ADGB: variants seen among roughly 807,000 people sequenced by gnomAD.
The protein encoded by ADGB is calpain-7-like protein.
In ADGB, 172 loss-of-function variants were observed where a neutral mutation model predicts 210.5. The observed-to-expected ratio is 0.82, with a 90% confidence interval of 0.72 to 0.93. The LOEUF is 0.93. Among genes scored for constraint, ADGB ranks in the 40% least tolerant of loss-of-function variants. The pLI, the probability that ADGB is intolerant of heterozygous loss-of-function variation, is 0.00. For synonymous variants in ADGB, 658 were observed against 662.7 expected (o/e 0.99, Z 0.11); for missense variants, 2,025 against 1,964.8 (o/e 1.03, Z -0.58).
chr6:146,616,273 T>C (rs1385894540), intron 1 of ADGB, among the ~76,000 whole-genome samples: 1 of 151,604 alleles, frequency 6.6e-6, no homozygotes, highest in Non-Finnish European at 1.5e-5. Context: ...TTTGGGTTTT[T>C]TTTTTTTTGC....
intron 29 of ADGB, among the ~76,000 whole-genome samples, chr6:146,775,458 G>C (rs1777708763): frequency 6.6e-6 from 1 of 152,056 alleles, no homozygotes; most frequent in Non-Finnish European, 1.5e-5. Flanking sequence ...GATGGTTCAT[G>C]GTCACTTAAG....
intron 25 of ADGB, among the ~76,000 whole-genome samples, chr6:146,744,041 C>T (rs529580052): frequency 6.6e-6 from 1 of 152,284 alleles, no homozygotes; most frequent in African/African-American, 2.4e-5. Context: ...GATCTTTGAA[C>T]ATTTATCCAA....
At chr6:146,766,641 A>T (rs1262513398) in intron 28 of ADGB, among the ~76,000 whole-genome samples, 1 of 152,056 alleles carries the variant, frequency 6.6e-6, no homozygotes, top group Non-Finnish European at 1.5e-5. Flanking sequence ...CTTTCCAAAA[A>T]ACCATAGGCC....
chr6:146,747,935 A>G (rs12662224), intron 26 of ADGB, among the ~76,000 whole-genome samples: 1 of 151,518 alleles, frequency 6.6e-6, no homozygotes, highest in African/African-American at 2.4e-5. Context: ...GGTGCATGCC[A>G]CCAAGCCTAG....
At chr6:146,747,029 C>A (rs1357792009) in intron 26 of ADGB, among the ~76,000 whole-genome samples, 1 of 152,046 alleles carries the variant, frequency 6.6e-6, no homozygotes, top group African/African-American at 2.4e-5. Flanking sequence ...TCCTATAGTC[C>A]TTTGTTCTCT....
intron 13 of ADGB, among the ~76,000 whole-genome samples, chr6:146,711,231 CT>C (rs1365167809): frequency 6.6e-6 from 1 of 152,208 alleles, no homozygotes; most frequent in Non-Finnish European, 1.5e-5. Flanking sequence ...AATTACTGCA[CT>C]TTTTCCTTTG....
chr6:146,622,552 C>T (rs1780910256), intron 1 of ADGB, among the ~76,000 whole-genome samples: 1 of 152,102 alleles, frequency 6.6e-6, no homozygotes, highest in Admixed American at 6.6e-5. Flanking sequence ...TGCCACACAA[C>T]TCACATGTAC....
intron 13 of ADGB, among the ~76,000 whole-genome samples, chr6:146,713,633 T>G (rs925889492): frequency 1.3e-5 from 2 of 152,336 alleles, no homozygotes; most frequent in African/African-American, 2.4e-5. Context: ...TCTATATATA[T>G]TCTTGTATTT....
At chr6:146,802,750 A>T in intron 35 of ADGB, 5 of 1,558,530 alleles carry the variant, frequency 3.2e-6, no homozygotes, top group Non-Finnish European at 4.4e-6. Context: ...TACACAGTTC[A>T]GGGATGTTTT....
intron 1 of ADGB, among the ~76,000 whole-genome samples, chr6:146,626,254 A>G (rs1030727820): frequency 6.6e-6 from 1 of 151,972 alleles, no homozygotes; most frequent in African/African-American, 2.4e-5. Context: ...TATATTATAA[A>G]CCTCGTATTA....
intron 27 of ADGB, among the ~76,000 whole-genome samples, chr6:146,754,448 A>G (rs1368753428): frequency 6.6e-6 from 1 of 151,676 alleles, no homozygotes; most frequent in East Asian, 1.9e-4. Context: ...TTTTTCTTCT[A>G]GCTTTGCCAG....
At chr6:146,722,659 C>A (rs1214670429) in intron 17 of ADGB, among the ~76,000 whole-genome samples, 1 of 152,172 alleles carries the variant, frequency 6.6e-6, no homozygotes, top group African/African-American at 2.4e-5. Flanking sequence ...CAAACATTCT[C>A]TCTCTCTTCA....
intron 8 of ADGB, among the ~76,000 whole-genome samples, chr6:146,675,707 A>G (rs2114906591): frequency 6.6e-6 from 1 of 152,276 alleles, no homozygotes; most frequent in South Asian, 2.1e-4. Context: ...TGAGAAAAGT[A>G]TTTTAGGTTG....
intron 1 of ADGB, among the ~76,000 whole-genome samples, chr6:146,606,608 CT>C (rs1297548692): frequency 8.5e-5 from 13 of 152,174 alleles, no homozygotes; most frequent in Admixed American, 5.9e-4. Flanking sequence ...CAGTTTCAAT[CT>C]CCTATAGATG....
chr6:146,792,981 G>A (rs1162652876), intron 33 of ADGB, among the ~76,000 whole-genome samples: 1 of 152,104 alleles, frequency 6.6e-6, no homozygotes, highest in Non-Finnish European at 1.5e-5. Flanking sequence ...AGGAGTGAGT[G>A]GTAGCAAGGT....
chr6:146,779,759 A>G (rs559802077), intron 29 of ADGB, among the ~76,000 whole-genome samples: 1 of 152,188 alleles, frequency 6.6e-6, no homozygotes, highest in East Asian at 1.9e-4. Flanking sequence ...CAGAAAAAAA[A>G]ACAACTGAAA....
chr6:146,804,643 C>T (rs1485952526), intron 35 of ADGB, among the ~76,000 whole-genome samples: 1 of 152,172 alleles, frequency 6.6e-6, no homozygotes, highest in African/African-American at 2.4e-5. Flanking sequence ...ATATATATCA[C>T]CACCCTAGCC....
chr6:146,742,988 C>A (rs776945225), intron 25 of ADGB, among the ~76,000 whole-genome samples: 1 of 152,024 alleles, frequency 6.6e-6, no homozygotes, highest in Non-Finnish European at 1.5e-5. Context: ...ATATTGGAAA[C>A]CCCTCCTCTA....
intron 13 of ADGB, among the ~76,000 whole-genome samples, chr6:146,702,304 G>C (rs1395072842): frequency 6.6e-6 from 1 of 151,836 alleles, no homozygotes; most frequent in African/African-American, 2.4e-5. Context: ...ATTTGATACT[G>C]TATGATGTTT....
Sources: allele counts gnomAD v4.1 joint callset (sites outside exome capture counted in the v4.1 genomes callset), GRCh38; gene constraint gnomAD v4.1.1; transcripts MANE v1.5; gene names NCBI Gene and HGNC (gene_info 2026-07-23, HGNC 2026-07-21).